OPN3: variants seen among roughly 807,000 people sequenced by gnomAD.
OPN3 encodes the protein opsin 3.
In OPN3, 29 loss-of-function variants were observed where a neutral mutation model predicts 33.8. The observed-to-expected ratio is 0.86, with a 90% confidence interval of 0.64 to 1.17. The LOEUF is 1.17. Ranked by LOEUF, OPN3 falls within the 50% of genes most tolerant of loss-of-function variation. The probability of loss-of-function intolerance (pLI) is 0.00; values close to 1 mark genes in which losing one functional copy is unlikely to be tolerated. For synonymous variants in OPN3, 216 were observed against 216.1 expected (o/e 1.00, Z 0.00); for missense variants, 437 against 514.1 (o/e 0.85, Z 1.45).
intron 1 of OPN3, chr1:241,630,563 T>C (rs971719819): frequency 6.6e-6 from 1 of 152,098 alleles, no homozygotes; most frequent in Non-Finnish European, 1.5e-5. Context: ...AGAAAATATT[T>C]ATGCTACTTT....
chr1:241,633,882 C>T (rs1489942881), intron 1 of OPN3: 21 of 1,613,722 alleles, frequency 1.3e-5, no homozygotes, highest in Non-Finnish European at 1.8e-5. Flanking sequence ...TTATTGGTTC[C>T]AGGAGCCTCT....
At chr1:241,634,572 T>G (rs1251847280) in intron 1 of OPN3, 1 of 1,613,858 alleles carries the variant, frequency 6.2e-7, no homozygotes. Context: ...AGACAATAGA[T>G]TCCACCAAAA....
rs767300055 is a variant in OPN3 at position 241,640,053 on chromosome 1, TGTA to T, written c.199_201del (p.Tyr67del). 3 of 1,612,494 alleles carry T rather than the reference TGTA, an allele frequency of 1.9e-6. No individual in the cohort carries two copies. The highest frequency in any genetic ancestry group is 4.5e-5 in the East Asian group (2 of 44,610). On this transcript the variant is annotated inframe_deletion, in exon 1 of 4. Coordinates refer to ENST00000366554, the MANE Select transcript of OPN3 (RefSeq NM_014322.3). The stretch of plus-strand genomic sequence containing the variant: ...GTGGGAGTGCGGAGCCGCTGGAACT[TGTA>T]GTAGAGGACGAGCACCAGCAGGTTG...
At chr1:241,604,927 C>T (rs190301425) in intron 1 of OPN3, among the ~76,000 whole-genome samples, 3 of 151,876 alleles carry the variant, frequency 2.0e-5, no homozygotes, top group African/African-American at 4.8e-5. Flanking sequence ...TGGTGCCATA[C>T]GCCTGTGGTC....
chr1:241,594,161 C>T lies in OPN3; in HGVS notation c.*267G>A. ...AAAATATATTTGAAATGAAAATCTC[C>T]AACACATTAGAAGATGATGATGTTA... On this transcript the variant is annotated 3_prime_UTR_variant, in exon 4 of 4. Coordinates refer to ENST00000366554, the MANE Select transcript of OPN3 (RefSeq NM_014322.3). 1 of 375,688 alleles carries T rather than the reference C, an allele frequency of 2.7e-6. No homozygotes were observed. The highest frequency in any genetic ancestry group is 4.7e-6 in the Non-Finnish European group (1 of 211,632). 23.3% of individuals were successfully genotyped at this position (375,688 alleles called of 1,614,324 possible).
intron 1 of OPN3, among the ~76,000 whole-genome samples, chr1:241,622,171 T>C (rs954564594): frequency 6.6e-6 from 1 of 152,184 alleles, no homozygotes; most frequent in East Asian, 1.9e-4. Context: ...AGTACTGATA[T>C]ATCTAACTAC....
rs1266658780 is a variant in OPN3, at chr1:241,639,997, G to T, written c.258C>A (p.Ser86Arg). 3 of 1,613,076 alleles carry T rather than the reference G, an allele frequency of 1.9e-6. No homozygotes were observed. Among genetic ancestry groups the T allele is most frequent in the Non-Finnish European group, 2.5e-6 (3 of 1,179,586 alleles). Residue 86 changes from serine (S) to arginine (R), a missense_variant, in exon 1 of 4, where the codon AGC (serine) becomes AGA (arginine). Ser to Arg is a moderately radical substitution (Grantham distance 110, BLOSUM62 -1). Coordinates refer to ENST00000366554, the MANE Select transcript of OPN3 (RefSeq NM_014322.3). ...THLLLVNISL[S>R]DLLVSLFGVT... ...CCCCGAAGAGGGACACCAGCAGGTC[G>T]CTGAGGCTGATGTTGACCAGGAGGA...
intron 1 of OPN3, chr1:241,629,100 G>A (rs1351715177): frequency 6.6e-6 from 1 of 152,484 alleles, no homozygotes; most frequent in Non-Finnish European, 1.5e-5. Context: ...ATAACATTCT[G>A]TGATAGCACT....
intron 1 of OPN3, among the ~76,000 whole-genome samples, chr1:241,612,559 T>C (rs1200191362): frequency 2.6e-5 from 4 of 152,146 alleles, no homozygotes; most frequent in African/African-American, 4.8e-5. Flanking sequence ...ACATTCAGCA[T>C]GGATTATGAG....
Position 241,597,919 on chromosome 1 carries a change from A to C in OPN3, c.772T>G (p.Phe258Val). Reference protein sequence around the residue: ...KYEKKLAKMCFLMIFTFLVCW... With the variant: ...KYEKKLAKMCVLMIFTFLVCW... ...ACCAGGAAGGTGAATATCATTAAAA[A>C]GCACATTTTGGCCAGTTTCTTTTCA... is the stretch of plus-strand genomic sequence containing the variant. The change falls in exon 3 of 4, where the codon TTT (phenylalanine) becomes GTT (valine). Residue 258 changes from phenylalanine to valine, a missense_variant. Physicochemically the swap from Phe to Val is conservative, Grantham distance 50. Transcript: ENST00000366554. The C allele has an allele frequency of 6.2e-7, 1 of 1,614,068 alleles. No individual in the cohort carries two copies. Among genetic ancestry groups the C allele is most frequent in the Non-Finnish European group, 8.5e-7 (1 of 1,180,020 alleles).
intron 1 of OPN3, among the ~76,000 whole-genome samples, chr1:241,607,359 AC>A (rs923314893): frequency 2.6e-5 from 4 of 152,162 alleles, no homozygotes; most frequent in African/African-American, 9.7e-5. Context: ...TACTAAAAAT[AC>A]AAAAATTAGA....
intron 1 of OPN3, chr1:241,635,935 C>A: frequency 3.2e-6 from 2 of 622,600 alleles, no homozygotes; most frequent in Non-Finnish European, 5.6e-6. Context: ...TCTTATAAGT[C>A]AGTAGCATAA....
At position 241,597,692 on chromosome 1, in the gene OPN3, T is replaced by C. The variant is rs1663562937; in HGVS notation, c.945+54A>G. 3 of 1,572,604 alleles carry C rather than the reference T, an allele frequency of 1.9e-6. No individual in the cohort carries two copies. In the African/African-American group the frequency reaches 4.1e-5, roughly 21 times the overall value. ...TCACCTCTGTAAAAGTATTACACTGTCATTTCCAACTCTATGCCCAGGGTG... is the reference window on the plus strand; with the variant it reads ...TCACCTCTGTAAAAGTATTACACTGCCATTTCCAACTCTATGCCCAGGGTG... On this transcript the variant is annotated intron_variant, in intron 3 of 3. Coordinates refer to ENST00000366554, the MANE Select transcript of OPN3 (RefSeq NM_014322.3).
intron 1 of OPN3, among the ~76,000 whole-genome samples, chr1:241,624,437 A>G (rs1664357169): frequency 6.6e-6 from 1 of 152,098 alleles, no homozygotes; most frequent in Non-Finnish European, 1.5e-5. Context: ...TCTCAACCAT[A>G]AGGGCCAAGC....
At chr1:241,606,461 T>C (rs1663831733) in intron 1 of OPN3, among the ~76,000 whole-genome samples, 1 of 151,768 alleles carries the variant, frequency 6.6e-6, no homozygotes, top group South Asian at 2.1e-4. Context: ...AGGAAAATTG[T>C]ATGAACCAGG....
rs1235989592 is a variant in OPN3 at position 241,594,521 on chromosome 1, AATG to A, written c.1113_1115del (p.Ile372del). On this transcript the variant is annotated inframe_deletion, in exon 4 of 4. Coordinates refer to ENST00000366554, the MANE Select transcript of OPN3 (RefSeq NM_014322.3). ...GTGATTCATCACTGGTGATGATAAAAATGATGGAAGAAGAGTTGAAAGTCACTT... is the reference window on the plus strand; with the variant it reads ...GTGATTCATCACTGGTGATGATAAAAATGGAAGAAGAGTTGAAAGTCACTT... 1.2e-6 allele frequency: 2 copies of A among 1,614,020 alleles called. No homozygotes were observed. The highest frequency in any genetic ancestry group is 1.7e-6 in the Non-Finnish European group (2 of 1,180,004).
At chr1:241,604,793 C>T (rs1367234884) in intron 1 of OPN3, among the ~76,000 whole-genome samples, 1 of 152,086 alleles carries the variant, frequency 6.6e-6, no homozygotes, top group Non-Finnish European at 1.5e-5. Context: ...CAGTGGCTCA[C>T]GCCTGTAATC....
intron 1 of OPN3, chr1:241,629,381 A>G (rs1270873032): frequency 1.3e-5 from 2 of 152,136 alleles, no homozygotes; most frequent in Non-Finnish European, 2.9e-5. Context: ...TTGCTAATAC[A>G]ATAGCATGAA....
rs151169647 is a variant in OPN3, at chr1:241,594,485, G to A, written c.1152C>T (p.Asp384=). The A allele has an allele frequency of 9.0e-5, 146 of 1,614,010 alleles. No homozygotes were observed. Among genetic ancestry groups the A allele is most frequent in the Non-Finnish European group, 9.5e-5 (112 of 1,179,916 alleles). The change falls in exon 4 of 4, where the codon GAC becomes GAT. Residue 384 remains aspartate, a synonymous_variant. Transcript: ENST00000366554. ...IITSDESLSV[D]DSDKTNGSKV... is the part of the protein sequence containing the mutation. ...TGGACCCATTGGTTTTGTCGCTGTCGTCAACTGACAGTGATTCATCACTGG... is the reference window on the plus strand; with the variant it reads ...TGGACCCATTGGTTTTGTCGCTGTCATCAACTGACAGTGATTCATCACTGG...
Sources: allele counts gnomAD v4.1 joint callset (sites outside exome capture counted in the v4.1 genomes callset), GRCh38; gene constraint gnomAD v4.1.1; transcripts MANE v1.5; gene names NCBI Gene and HGNC (gene_info 2026-07-23, HGNC 2026-07-21).